Variants in TOP3A observed in about 807,000 individuals in gnomAD.
TOP3A encodes the protein DNA topoisomerase III alpha.
TOP3A carries 64 observed loss-of-function variants against 111.3 expected under a neutral mutation model. That is an observed-to-expected ratio of 0.57 (90% CI 0.47 to 0.71). The LOEUF (loss-of-function observed/expected upper bound fraction) is 0.71, where lower values mean the gene tolerates loss of function less well. Among genes scored for constraint, TOP3A ranks in the 30% least tolerant of loss-of-function variants. The pLI, the probability that TOP3A is intolerant of heterozygous loss-of-function variation, is 0.00. For synonymous variants in TOP3A, 484 were observed against 485.1 expected (o/e 1.00, Z 0.03); for missense variants, 1,104 against 1,285.0 (o/e 0.86, Z 2.15).
At chr17:18,283,353 G>A (rs1042768099) in intron 15 of TOP3A, among the ~76,000 whole-genome samples, 4 of 151,672 alleles carry the variant, frequency 2.6e-5, no homozygotes, top group African/African-American at 7.3e-5. Context: ...TGGGCAACAA[G>A]AGCGAAACTC....
intron 9 of TOP3A, among the ~76,000 whole-genome samples, chr17:18,298,895 T>C (rs954670885): frequency 1.3e-5 from 2 of 151,804 alleles, no homozygotes; most frequent in East Asian, 3.9e-4. Context: ...TAATCTCAAG[T>C]ACCCAGGGAC....
intron 18 of TOP3A, among the ~76,000 whole-genome samples, chr17:18,275,322 G>A (rs1344774631): frequency 1.5e-5 from 2 of 133,224 alleles, no homozygotes; most frequent in Admixed American, 7.4e-5. Flanking sequence ...AAAAAGAGCA[G>A]CAGACGATAA....
In TOP3A at chr17:18,314,691, G is replaced by A. The variant is rs761786093; in HGVS notation, c.88C>T (p.Leu30Phe). 7 of 1,612,234 alleles carry A rather than the reference G, an allele frequency of 4.3e-6. No individual in the cohort carries two copies. Among genetic ancestry groups the A allele is most frequent in the South Asian group, 2.2e-5 (2 of 90,792 alleles). Reference sequence around the variant, plus strand: ...CAGAGGACTTTCCGCACGCCTCGGAGGGCCATCTCCATGGCGGCGCGGGAA... The same window carrying A: ...CAGAGGACTTTCCGCACGCCTCGGAAGGCCATCTCCATGGCGGCGCGGGAA... ...AFSRAAMEMA[L>F]RGVRKVLCVA... Residue 30 changes from leucine to phenylalanine, a missense_variant, in exon 1 of 19, where the codon CTC becomes TTC. By Grantham distance (22) the Leu-to-Phe change is conservative. Coordinates refer to ENST00000321105, the MANE Select transcript of TOP3A (RefSeq NM_004618.5).
Position 18,274,652 on chromosome 17 carries a change from G to T in TOP3A, c.*150C>A. The T allele has an allele frequency of 1.5e-6, 2 of 1,318,246 alleles. No individual in the cohort carries two copies. Among genetic ancestry groups the T allele is most frequent in the Non-Finnish European group, 1.0e-6 (1 of 985,268 alleles). The allele number at this position is 1,318,246 out of a possible 1,614,324, so 81.7% of individuals were successfully genotyped here. ...TGCTCCAGAGTGATCTGGACCTTGT[G>T]CCCCTTAACACAAGAAGGCCCGACT... On this transcript the variant is annotated 3_prime_UTR_variant, in exon 19 of 19. Transcript: ENST00000321105.
At position 18,280,611 on chromosome 17, in the gene TOP3A, C is replaced by T; in HGVS notation, c.2069G>A (p.Trp690Ter). Residue 690 changes from tryptophan (W) to a stop codon, truncating the protein, a stop_gained, in exon 17 of 19, where the codon TGG (tryptophan) becomes TAG (stop). Transcript: ENST00000321105. LOFTEE classifies it high-confidence loss of function. Reference sequence around the variant, plus strand: ...GGCCTCCAGCACCGAGTCAGGAAGCCACACAGCTGAGCGACACTCTGGGAA... The same window carrying T: ...GGCCTCCAGCACCGAGTCAGGAAGCTACACAGCTGAGCGACACTCTGGGAA... ...MGFPECRSAV[W>*]LPDSVLEASR... is the part of the protein sequence containing the mutation. The T allele has an allele frequency of 6.2e-7, 1 of 1,614,114 alleles. No homozygotes were observed. The highest frequency in any genetic ancestry group is 1.1e-5 in the South Asian group (1 of 91,080).
chr17:18,282,927 T>A, intron 15 of TOP3A, 86 bp from the exon 16 acceptor site: 1 of 1,545,230 alleles, frequency 6.5e-7, no homozygotes, highest in African/African-American at 1.4e-5. Context: ...ACAACAGGCG[T>A]GACCTTGAGA....
chr17:18,275,749 G>C (rs1333684522), intron 18 of TOP3A, among the ~76,000 whole-genome samples: 1 of 151,034 alleles, frequency 6.6e-6, no homozygotes, highest in African/African-American at 2.4e-5. Flanking sequence ...CGCCTCCCGG[G>C]TTCACGCCAT....
chr17:18,277,268 T>C (rs890955331), intron 18 of TOP3A, among the ~76,000 whole-genome samples: 1 of 151,448 alleles, frequency 6.6e-6, no homozygotes, highest in Admixed American at 6.6e-5. Flanking sequence ...CACATGGCCA[T>C]GGGACTGGGA....
At chr17:18,298,634 T>C (rs1196427409) in intron 9 of TOP3A, among the ~76,000 whole-genome samples, 4 of 151,738 alleles carry the variant, frequency 2.6e-5, no homozygotes, top group African/African-American at 7.3e-5. Flanking sequence ...GGGGAAAAGA[T>C]TGAGAAATCG....
rs754647821 is a variant in TOP3A at position 18,314,717 on chromosome 17, A to G, written c.62T>C (p.Phe21Ser). 1 of 1,603,000 alleles carries G rather than the reference A, an allele frequency of 6.2e-7. No homozygotes were observed. Among genetic ancestry groups the G allele is most frequent in the Non-Finnish European group, 8.5e-7 (1 of 1,175,214 alleles). The change falls in exon 1 of 19, where the codon TTT becomes TCT. Residue 21 changes from phenylalanine (F) to serine (S), a missense_variant. Physicochemically the swap from Phe to Ser is radical, Grantham distance 155 (BLOSUM62 -2). Coordinates refer to ENST00000321105, the MANE Select transcript of TOP3A (RefSeq NM_004618.5). The part of the protein sequence containing the change: ...RWLRRPEDRA[F>S]SRAAMEMALR... ...GGCCATCTCCATGGCGGCGCGGGAA[A>G]AGGCACGGTCTTCGGGCCGTCGCAG...
chr17:18,301,800 G>C, intron 8 of TOP3A, 85 bp downstream of exon 8: 7 of 1,156,308 alleles, frequency 6.1e-6, no homozygotes, highest in Non-Finnish European at 8.8e-6. Context: ...AGTCCAATGG[G>C]AGAATGAGAC....
rs567890153 is a variant in TOP3A at position 18,287,030 on chromosome 17, C to T, written c.1598-1510G>A. 4.6e-5 allele frequency among the ~76,000 whole-genome samples: 7 copies of T among 152,196 alleles called. No homozygotes were observed. In the East Asian group the frequency reaches 1.4e-3, roughly 30 times the overall value. ...AACTCCTGACCTCAAGTGATTGGCCCACCTTGGCCTCCCAAAGTGCTGGGA... is the reference window on the plus strand; with the variant it reads ...AACTCCTGACCTCAAGTGATTGGCCTACCTTGGCCTCCCAAAGTGCTGGGA... On this transcript the variant is annotated intron_variant, in intron 13 of 18. Coordinates refer to ENST00000321105, the MANE Select transcript of TOP3A (RefSeq NM_004618.5).
intron 13 of TOP3A, among the ~76,000 whole-genome samples, chr17:18,288,124 T>C (rs1265596999): frequency 8.6e-6 from 1 of 116,198 alleles, no homozygotes; most frequent in Non-Finnish European, 1.7e-5. Context: ...AATAAAGCTG[T>C]TAATAATTAT....
chr17:18,314,526 T>A, intron 1 of TOP3A, 73 bp downstream of exon 1: 1 of 1,482,144 alleles, frequency 6.7e-7, no homozygotes, highest in Non-Finnish European at 9.1e-7. Flanking sequence ...TCTCGATTCT[T>A]GGCGCCCACC....
In TOP3A at chr17:18,274,264, T is replaced by G. The variant is rs3088175; in HGVS notation, c.*538A>C. 0.11 allele frequency: 17,115 copies of G among 152,346 alleles called. 1,066 individuals are homozygous for G. The highest frequency in any genetic ancestry group is 0.18 in the South Asian group (878 of 4,824). The allele number at this position is 152,346 out of a possible 1,614,324, so 9.4% of individuals were successfully genotyped here. ...GGTTCTTTATTAAAGCAATGAATTCTGGATGTCCTGGCTTAACTAGATTAA... is the reference window on the plus strand; with the variant it reads ...GGTTCTTTATTAAAGCAATGAATTCGGGATGTCCTGGCTTAACTAGATTAA... On this transcript the variant is annotated 3_prime_UTR_variant, in exon 19 of 19. Coordinates refer to ENST00000321105, the MANE Select transcript of TOP3A (RefSeq NM_004618.5).
chr17:18,305,861 A>G (rs1353757187), intron 4 of TOP3A, among the ~76,000 whole-genome samples: 3 of 151,864 alleles, frequency 2.0e-5, no homozygotes, highest in African/African-American at 7.3e-5. Context: ...ACAAAACAAA[A>G]CAAAATGAAT....
chr17:18,285,570 C>T (rs2294914), intron 13 of TOP3A, 50 bp from the exon 14 acceptor site: 174,741 of 1,553,432 alleles, frequency 0.11, 10,698 homozygotes, highest in Admixed American at 0.18. Context: ...AACAGCTCCA[C>T]CCGGGTGGCG....
chr17:18,278,496 G>T (rs1979552016), intron 17 of TOP3A, 139 bp from the exon 18 acceptor site: 1 of 681,866 alleles, frequency 1.5e-6, no homozygotes, highest in Non-Finnish European at 2.3e-6. Context: ...CCCCTGTGAG[G>T]CCCTCTATCA....
At chr17:18,295,395 G>A (rs1597972867) in intron 9 of TOP3A, among the ~76,000 whole-genome samples, 2 of 152,140 alleles carry the variant, frequency 1.3e-5, no homozygotes, top group Middle Eastern at 3.4e-3. Flanking sequence ...TGATCTGCCC[G>A]CCTCGGCCTC....
Sources: gnomAD v4.1 joint callset for allele counts (sites outside exome capture counted in the v4.1 genomes callset) on GRCh38, gnomAD v4.1.1 for gene constraint, MANE v1.5 for transcripts, NCBI Gene and HGNC (gene_info 2026-07-23, HGNC 2026-07-21) for gene names.